EPHX1: variants seen among roughly 807,000 people sequenced by gnomAD.
EPHX1 encodes epoxide hydrolase 1.
EPHX1 carries 40 observed loss-of-function variants against 43.2 expected under a neutral mutation model. That is an observed-to-expected ratio of 0.93 (90% CI 0.72 to 1.21). The LOEUF (loss-of-function observed/expected upper bound fraction) is 1.21. Among genes scored for constraint, EPHX1 ranks in the 50% most tolerant of loss-of-function variants. EPHX1 has a pLI of 0.00. For missense variants in EPHX1, 550 were observed against 570.4 expected, an observed-to-expected ratio of 0.96 and a Z score of 0.36; for synonymous variants, 221 against 226.7, an observed-to-expected ratio of 0.98 and a Z score of 0.22.
At chr1:225,818,007 G>C (rs1357031362) in intron 1 of EPHX1, among the ~76,000 whole-genome samples, 1 of 152,084 alleles carries the variant, frequency 6.6e-6, no homozygotes. Flanking sequence ...CATCTTTTTA[G>C]ACCCAAAACC....
intron 8 of EPHX1, 93 bp downstream of exon 8, chr1:225,844,716 A>ATAAG: frequency 6.4e-7 from 1 of 1,570,650 alleles, no homozygotes; most frequent in Non-Finnish European, 8.6e-7. Flanking sequence ...TGGTGGTGGG[A>ATAAG]TAAGTATAGC....
At chr1:225,844,472 T>TG in intron 7 of EPHX1, 26 bp from the exon 8 acceptor site, 1 of 1,613,764 alleles carries the variant, frequency 6.2e-7, no homozygotes, top group Non-Finnish European at 8.5e-7. Context: ...GCACTGAGAG[T>TG]GGGGCTTTGT....
chr1:225,810,767 G>A (rs934303194), intron 1 of EPHX1, among the ~76,000 whole-genome samples: 6 of 143,786 alleles, frequency 4.2e-5, no homozygotes, highest in South Asian at 4.9e-4. Context: ...GGGCAGAGTG[G>A]GGGGGGTCAC....
chr1:225,844,045 T>C (rs996153315), intron 7 of EPHX1, among the ~76,000 whole-genome samples: 1 of 152,050 alleles, frequency 6.6e-6, no homozygotes, highest in Admixed American at 6.6e-5. Flanking sequence ...TAGGTTTGGA[T>C]TCTCCACTTA....
chr1:225,843,127 C>T (rs371436632), intron 7 of EPHX1, among the ~76,000 whole-genome samples: 1 of 152,166 alleles, frequency 6.6e-6, no homozygotes, highest in African/African-American at 2.4e-5. Flanking sequence ...TCACCTAGAA[C>T]AATGCCGGGT....
chr1:225,838,977 A>C, intron 4 of EPHX1, 96 bp downstream of exon 4: 1 of 1,457,696 alleles, frequency 6.9e-7, no homozygotes, highest in African/African-American at 1.4e-5. Flanking sequence ...GTGAGCAGGG[A>C]GTTGGCCCGA....
Position 225,839,850 on chromosome 1 carries a change from G to T in EPHX1, c.744G>T (p.Leu248Phe). 1 of 1,614,050 alleles carries T rather than the reference G, an allele frequency of 6.2e-7. No individual in the cohort carries two copies. The highest frequency in any genetic ancestry group is 1.1e-5 in the South Asian group (1 of 91,066). Residue 248 changes from leucine (L) to phenylalanine (F), a missense_variant, in exon 6 of 9, where the codon TTG (leucine) becomes TTT (phenylalanine). Leu to Phe is a conservative substitution (Grantham distance 22). Transcript: ENST00000272167. ...TCAGCCACGTGAAAGGCCTGCACTTGAACATGGCTTTGGTTTTAAGCAACT... is the reference window on the plus strand; with the variant it reads ...TCAGCCACGTGAAAGGCCTGCACTTTAACATGGCTTTGGTTTTAAGCAACT... ...LVPSHVKGLH[L>F]NMALVLSNFS...
intron 7 of EPHX1, among the ~76,000 whole-genome samples, chr1:225,843,072 C>T (rs1668562873): frequency 6.6e-6 from 1 of 152,172 alleles, no homozygotes; most frequent in Non-Finnish European, 1.5e-5. Context: ...AGACTGAATC[C>T]TGCCTTGGGG....
chr1:225,834,850 A>G (rs1469350538), intron 3 of EPHX1, among the ~76,000 whole-genome samples: 1 of 152,124 alleles, frequency 6.6e-6, no homozygotes, highest in Non-Finnish European at 1.5e-5. Flanking sequence ...CATCCAGCAG[A>G]AACTAACAGG....
intron 3 of EPHX1, among the ~76,000 whole-genome samples, chr1:225,833,732 TTG>T (rs1263863042): frequency 6.7e-6 from 1 of 148,512 alleles, no homozygotes; most frequent in African/African-American, 2.5e-5. Context: ...GAGATGGAGC[TTG>T]TGGTGAGCTG....
chr1:225,837,684 A>AT lies in EPHX1; in HGVS notation c.365-963dup, dbSNP rs199702158. Among the ~76,000 whole-genome samples, 51 of 151,778 alleles carry AT rather than the reference A, an allele frequency of 3.4e-4. No individual in the cohort carries two copies. In the East Asian group the frequency reaches 8.7e-3, roughly 26 times the overall value. The stretch of plus-strand genomic sequence containing the variant: ...AGGCGCCTGTCAGCATGCCCGGGTA[A>AT]TTTTTTTGTATTTTTAGTAGAGACG... On this transcript the variant is annotated intron_variant, in intron 3 of 8. Transcript: ENST00000272167.
intron 1 of EPHX1, among the ~76,000 whole-genome samples, chr1:225,814,024 A>G (rs755872881): frequency 1.9e-4 from 29 of 152,192 alleles, no homozygotes; most frequent in Non-Finnish European, 4.3e-4. Context: ...TGATGAATAG[A>G]GACTGAATTT....
At chr1:225,825,744 G>A (rs756977175) in intron 1 of EPHX1, among the ~76,000 whole-genome samples, 4 of 152,200 alleles carry the variant, frequency 2.6e-5, no homozygotes, top group Admixed American at 6.5e-5. Context: ...TGCCCAGGAC[G>A]GGCACAGCCC....
chr1:225,832,601 C>T (rs1667675054), intron 3 of EPHX1, among the ~76,000 whole-genome samples: 2 of 152,230 alleles, frequency 1.3e-5, no homozygotes, highest in Non-Finnish European at 2.9e-5. Context: ...GGTAATTCTG[C>T]GTTTAATTTT....
At chr1:225,823,761 G>A (rs908456247) in intron 1 of EPHX1, among the ~76,000 whole-genome samples, 3 of 151,910 alleles carry the variant, frequency 2.0e-5, no homozygotes, top group African/African-American at 7.2e-5. Flanking sequence ...GGGTTCCTGC[G>A]TGAGCAGTCC....
At chr1:225,819,334 G>A (rs966434925) in intron 1 of EPHX1, among the ~76,000 whole-genome samples, 5 of 151,998 alleles carry the variant, frequency 3.3e-5, no homozygotes, top group South Asian at 2.1e-4. Flanking sequence ...GAACCAGGGC[G>A]GAGGTTGCAG....
chr1:225,810,237 T>C (rs1343044569), intron 1 of EPHX1, 68 bp downstream of exon 1: 1 of 151,132 alleles, frequency 6.6e-6, no homozygotes, highest in African/African-American at 2.4e-5. Context: ...CCGCGCGGGC[T>C]CGGCCGCCGG....
At chr1:225,827,115 C>G (rs1667285132) in intron 1 of EPHX1, among the ~76,000 whole-genome samples, 3 of 152,172 alleles carry the variant, frequency 2.0e-5, no homozygotes, top group Non-Finnish European at 4.4e-5. Flanking sequence ...AGAGGGGCAG[C>G]TCTTGACAGG....
At chr1:225,812,033 G>A (rs1666507526) in intron 1 of EPHX1, among the ~76,000 whole-genome samples, 1 of 152,230 alleles carries the variant, frequency 6.6e-6, no homozygotes. Flanking sequence ...GGGTGGCACT[G>A]GCATAGACCT....
Sources: allele counts gnomAD v4.1 joint callset (sites outside exome capture counted in the v4.1 genomes callset), GRCh38; gene constraint gnomAD v4.1.1; transcripts MANE v1.5; gene names NCBI Gene and HGNC (gene_info 2026-07-23, HGNC 2026-07-21).